Variants in ROBO1 observed in about 807,000 individuals in gnomAD.
ROBO1 encodes the protein roundabout guidance receptor 1, also known as roundabout homolog 1.
In ROBO1, 149 loss-of-function variants were observed where a neutral mutation model predicts 195.9. That is an observed-to-expected ratio of 0.76 (90% CI 0.67 to 0.87). ROBO1 has a LOEUF of 0.87. Ranked by LOEUF, ROBO1 falls within the 40% of genes least tolerant of loss-of-function variation. ROBO1 has a pLI of 0.00. For synonymous variants in ROBO1, 816 were observed against 733.2 expected (o/e 1.11, Z -1.82); for missense variants, 1,933 against 2,068.3 (o/e 0.93, Z 1.27).
At chr3:79,622,852 C>A (rs1945051964) in intron 1 of ROBO1, among the ~76,000 whole-genome samples, 1 of 152,192 alleles carries the variant, frequency 6.6e-6, no homozygotes, top group Admixed American at 6.5e-5. Context: ...CCCTGTACCA[C>A]CCAACTGAGT....
intron 4 of ROBO1, among the ~76,000 whole-genome samples, chr3:78,914,678 AT>A (rs1195168011): frequency 6.8e-6 from 1 of 147,706 alleles, no homozygotes; most frequent in Non-Finnish European, 1.5e-5. Flanking sequence ...AAATTTATAT[AT>A]TTTATTTATA....
chr3:79,415,326 C>T (rs1452836841), intron 2 of ROBO1, among the ~76,000 whole-genome samples: 1 of 152,074 alleles, frequency 6.6e-6, no homozygotes, highest in East Asian at 1.9e-4. Context: ...TAAACACATA[C>T]TTTTAAATTG....
At chr3:79,021,069 G>GCA (rs2078091314) in intron 3 of ROBO1, among the ~76,000 whole-genome samples, 1 of 152,126 alleles carries the variant, frequency 6.6e-6, no homozygotes, top group Non-Finnish European at 1.5e-5. Context: ...CTGGTTAACA[G>GCA]CACCTATCTT....
At chr3:78,783,645 G>T (rs570759656) in intron 4 of ROBO1, among the ~76,000 whole-genome samples, 1 of 152,274 alleles carries the variant, frequency 6.6e-6, no homozygotes, top group Non-Finnish European at 1.5e-5. Flanking sequence ...GAATAACAGT[G>T]CTGGAGGAGA....
intron 2 of ROBO1, among the ~76,000 whole-genome samples, chr3:79,586,221 T>C (rs139241036): frequency 1.3e-4 from 20 of 152,110 alleles, no homozygotes; most frequent in African/African-American, 4.8e-4. Flanking sequence ...ACATGGGGGT[T>C]GTATGTATAT....
At chr3:79,129,200 T>C (rs1473891064) in intron 2 of ROBO1, among the ~76,000 whole-genome samples, 1 of 152,166 alleles carries the variant, frequency 6.6e-6, no homozygotes, top group East Asian at 1.9e-4. Flanking sequence ...CTACCTATGT[T>C]ACATATTTTA....
At chr3:78,680,050 T>C (rs2080855832) in intron 10 of ROBO1, among the ~76,000 whole-genome samples, 1 of 152,152 alleles carries the variant, frequency 6.6e-6, no homozygotes, top group South Asian at 2.1e-4. Flanking sequence ...TATCTGATCT[T>C]TGACAAACCT....
At chr3:78,955,250 G>C (rs577840376) in intron 3 of ROBO1, among the ~76,000 whole-genome samples, 1 of 150,982 alleles carries the variant, frequency 6.6e-6, no homozygotes, top group Non-Finnish European at 1.5e-5. Flanking sequence ...GTGTGTCATG[G>C]GGGTTATACA....
At chr3:78,887,225 G>A (rs1366274121) in intron 4 of ROBO1, among the ~76,000 whole-genome samples, 1 of 152,144 alleles carries the variant, frequency 6.6e-6, no homozygotes, top group Non-Finnish European at 1.5e-5. Flanking sequence ...GTTGGCTTAG[G>A]AATGCTGTGA....
intron 1 of ROBO1, among the ~76,000 whole-genome samples, chr3:79,592,637 T>C (rs1944039486): frequency 6.6e-6 from 1 of 151,968 alleles, no homozygotes; most frequent in Non-Finnish European, 1.5e-5. Flanking sequence ...CACTATTCCA[T>C]TCCCTGACAC....
At chr3:79,336,105 T>A (rs546514030) in intron 2 of ROBO1, among the ~76,000 whole-genome samples, 1 of 152,216 alleles carries the variant, frequency 6.6e-6, no homozygotes, top group South Asian at 2.1e-4. Context: ...AAGCAGAGCA[T>A]AACAGGTCAA....
At chr3:79,403,797 T>C (rs1407656089) in intron 2 of ROBO1, among the ~76,000 whole-genome samples, 2 of 151,970 alleles carry the variant, frequency 1.3e-5, no homozygotes, top group South Asian at 2.1e-4. Flanking sequence ...TCTTTCAGTA[T>C]GAAATATTTG....
chr3:79,730,641 C>G (rs9878636), intron 1 of ROBO1, among the ~76,000 whole-genome samples: 134,144 of 152,124 alleles, frequency 0.88, 59,218 homozygotes, highest in Middle Eastern at 0.93. Flanking sequence ...TTTCATTAGA[C>G]TTAATATAAA....
chr3:78,968,132 G>T (rs1223407937), intron 3 of ROBO1, among the ~76,000 whole-genome samples: 1 of 152,094 alleles, frequency 6.6e-6, no homozygotes, highest in Non-Finnish European at 1.5e-5. Context: ...ATTGGAGAGG[G>T]CATGGAATTT....
intron 1 of ROBO1, among the ~76,000 whole-genome samples, chr3:79,721,641 A>G (rs1048068074): frequency 9.9e-5 from 15 of 152,190 alleles, no homozygotes; most frequent in Non-Finnish European, 2.2e-4. Context: ...TATCCCTGAC[A>G]TGTTGAACTT....
chr3:78,963,287 G>A (rs186198919), intron 3 of ROBO1, among the ~76,000 whole-genome samples: 7 of 151,704 alleles, frequency 4.6e-5, no homozygotes, highest in African/African-American at 4.8e-5. Context: ...AATATATACA[G>A]TACATTTCCA....
chr3:79,620,176 C>T (rs1233820463), intron 1 of ROBO1, among the ~76,000 whole-genome samples: 1 of 152,190 alleles, frequency 6.6e-6, no homozygotes, highest in African/African-American at 2.4e-5. Flanking sequence ...CGGGACCCCA[C>T]TGGAAATTGG....
At chr3:78,979,932 T>C (rs1054250649) in intron 3 of ROBO1, among the ~76,000 whole-genome samples, 3 of 152,150 alleles carry the variant, frequency 2.0e-5, no homozygotes, top group African/African-American at 4.8e-5. Context: ...AAAACTGCTT[T>C]CTAAAATAGA....
chr3:78,767,849 G>A (rs1399888113), intron 4 of ROBO1, among the ~76,000 whole-genome samples: 2 of 151,720 alleles, frequency 1.3e-5, no homozygotes, highest in Non-Finnish European at 2.9e-5. Flanking sequence ...ATGGTCTATC[G>A]ATTTTATTGA....
Sources: gnomAD v4.1 joint callset for allele counts (sites outside exome capture counted in the v4.1 genomes callset) on GRCh38, gnomAD v4.1.1 for gene constraint, MANE v1.5 for transcripts, NCBI Gene and HGNC (gene_info 2026-07-23, HGNC 2026-07-21) for gene names.